YBX1: variants seen among roughly 807,000 people sequenced by gnomAD.
The protein encoded by YBX1 is Y-box binding protein 1, also known as Y-box-binding protein 1.
YBX1 carries 3 observed loss-of-function variants against 41.4 expected under a neutral mutation model. The ratio of observed to expected loss-of-function variants is 0.07; its 90% confidence interval spans 0.03 to 0.19. The LOEUF (loss-of-function observed/expected upper bound fraction) is 0.19, where lower values mean the gene tolerates loss of function less well. YBX1 is among the 10% of genes least tolerant of loss of function. The pLI is 1.00. For missense variants in YBX1, 274 were observed against 462.8 expected (o/e 0.59, Z 3.74); for synonymous variants, 133 against 165.8 (o/e 0.80, Z 1.52).
rs907667484 is a variant in YBX1, at chr1:42,685,269, CTA to C, written c.230+1805_230+1806del. ...ATGAGATACTGTTCATTGAATATCT[CTA>C]TTCTGAATTGGAATCAACTCAATTG... On this transcript the variant is annotated intron_variant, in intron 2 of 7. Transcript: ENST00000321358. Among the ~76,000 whole-genome samples, 19 of 152,268 alleles carry C rather than the reference CTA, an allele frequency of 1.2e-4. No homozygotes were observed. The East Asian group carries it at 3.3e-3, about 26-fold the overall frequency.
intron 1 of YBX1, chr1:42,683,115 A>T: frequency 3.4e-6 from 2 of 584,682 alleles, no homozygotes; most frequent in Non-Finnish European, 6.3e-6. Context: ...CCGCCTACGC[A>T]GGCCGGAGCG....
At position 42,702,759 on chromosome 1, in the gene YBX1, C is replaced by T. The variant is rs141571265; in HGVS notation, c.*810C>T. On this transcript the variant is annotated 3_prime_UTR_variant, in exon 8 of 8. Transcript: ENST00000321358. ...GAAGATGCCAATTGAAGTGTTAGGA[C>T]AACCTGTCACACTGCCTGGTGTGGT... Among the ~76,000 whole-genome samples, 40 of 152,344 alleles carry T rather than the reference C, an allele frequency of 2.6e-4. No homozygotes were observed. The highest frequency in any genetic ancestry group is 8.9e-4 in the African/African-American group (37 of 41,576).
rs1557526301 is a variant in YBX1, at chr1:42,682,482, A to C, written c.-84A>C. The C allele has an allele frequency of 7.5e-7, 1 of 1,339,996 alleles. No individual in the cohort carries two copies. The highest frequency in any genetic ancestry group is 9.5e-7 in the Non-Finnish European group (1 of 1,047,174). 83.0% of individuals were successfully genotyped at this position (1,339,996 alleles called of 1,614,324 possible). ...ACCCCAGAGAGCCCTGAGCAGCCCC[A>C]CCGCCGCCGCCGGCCTAGTTACCAT... is the stretch of plus-strand genomic sequence containing the variant. On this transcript the variant is annotated 5_prime_UTR_variant, in exon 1 of 8. Transcript: ENST00000321358.
At chr1:42,683,322 G>A (rs1164795117) in intron 1 of YBX1, 81 bp from the exon 2 acceptor site, 1 of 1,561,276 alleles carries the variant, frequency 6.4e-7, no homozygotes, top group Admixed American at 1.7e-5. Context: ...CGGCGTGCGA[G>A]GGACCGGATG....
At chr1:42,685,086 C>T (rs1298600778) in intron 2 of YBX1, among the ~76,000 whole-genome samples, 10 of 152,144 alleles carry the variant, frequency 6.6e-5, no homozygotes, top group Admixed American at 5.9e-4. Flanking sequence ...GCCTTTTCAG[C>T]GGATAGATTG....
chr1:42,692,839 C>T (rs10493113), intron 2 of YBX1, among the ~76,000 whole-genome samples: 16,824 of 152,274 alleles, frequency 0.11, 985 homozygotes, highest in East Asian at 0.19. Context: ...TCCAGTCATC[C>T]ACAAAGTTTC....
At chr1:42,699,691 C>T (rs371868201) in intron 6 of YBX1, among the ~76,000 whole-genome samples, 1 of 151,882 alleles carries the variant, frequency 6.6e-6, no homozygotes, top group African/African-American at 2.4e-5. Flanking sequence ...AACTCCTGCC[C>T]TCAAGTGATC....
At position 42,703,460 on chromosome 1, in the gene YBX1, A is replaced by G. The variant is rs1472920074; in HGVS notation, c.*1511A>G. ...GGACTAACTCTTTGCAGAGGACTTG[A>G]TAAGAGACTACTCAAAAAAAATTTT... On this transcript the variant is annotated 3_prime_UTR_variant, in exon 8 of 8. Transcript: ENST00000321358. 6.6e-6 allele frequency among the ~76,000 whole-genome samples: 1 copy of G among 152,022 alleles called. No individual in the cohort carries two copies. The highest frequency in any genetic ancestry group is 2.4e-5 in the African/African-American group (1 of 41,368).
Position 42,682,511 on chromosome 1 carries a change from A to G in YBX1, c.-55A>G. The G allele has an allele frequency of 1.4e-6, 2 of 1,388,690 alleles. No homozygotes were observed. The highest frequency in any genetic ancestry group is 1.9e-6 in the Non-Finnish European group (2 of 1,074,022). The allele number at this position is 1,388,690 out of a possible 1,614,324, so 86.0% of individuals were successfully genotyped here. A position where few individuals can be genotyped will look rare whatever the true frequency, so the allele number is the denominator to read the frequency against. On this transcript the variant is annotated 5_prime_UTR_variant, in exon 1 of 8. Transcript: ENST00000321358. ...CCGCCGCCGGCCTAGTTACCATCAC[A>G]CCCCGGGAGGAGCCGCAGCTGCCGC...
chr1:42,699,594 G>A (rs1361385944), intron 6 of YBX1, among the ~76,000 whole-genome samples: 2 of 150,494 alleles, frequency 1.3e-5, no homozygotes, highest in Admixed American at 6.6e-5. Flanking sequence ...GATAAAGAGG[G>A]GAGAAAAGGG....
At position 42,696,516 on chromosome 1, in the gene YBX1, C is replaced by A. The variant is rs980463610; in HGVS notation, c.355-126C>A. ...ACCCCTGGTCACGCAGTTGCGCCCC[C>A]CCCCCCTTTTTTTTCCTTAACTTTG... On this transcript the variant is annotated intron_variant, in intron 4 of 7. Coordinates refer to ENST00000321358, the MANE Select transcript of YBX1 (RefSeq NM_004559.5). This position sits in a 1 kb window ranked among gnomAD's most constrained non-coding sequence, Gnocchi z 5.7. 4 of 693,914 alleles carry A rather than the reference C, an allele frequency of 5.8e-6. No homozygotes were observed. Among genetic ancestry groups the A allele is most frequent in the African/African-American group, 1.8e-5 (1 of 55,292 alleles). The allele number at this position is 693,914 out of a possible 1,614,324, so 43.0% of individuals were successfully genotyped here. A position where few individuals can be genotyped will look rare whatever the true frequency, so the allele number is the denominator to read the frequency against.
intron 3 of YBX1, among the ~76,000 whole-genome samples, chr1:42,694,579 C>T (rs1008777395): frequency 2.6e-5 from 4 of 152,136 alleles, no homozygotes; most frequent in Non-Finnish European, 5.9e-5. Context: ...GAAGGGCTGT[C>T]ATAGGTTGGT....
rs1413390000 is a variant in YBX1, at chr1:42,696,468, C to T, written c.355-174C>T. Among the ~76,000 whole-genome samples the T allele has an allele frequency of 6.7e-6, 1 of 150,372 alleles. No homozygotes were observed. Among genetic ancestry groups the T allele is most frequent in the Admixed American group, 6.6e-5 (1 of 15,060 alleles). ...GCAATCTCTTCAGAACAGTGAGGAA[C>T]TGATATTTAGTCATTTCTGTGCACC... is the stretch of plus-strand genomic sequence containing the variant. On this transcript the variant is annotated intron_variant, in intron 4 of 7. Transcript: ENST00000321358. This position sits in a 1 kb window ranked among gnomAD's most constrained non-coding sequence, Gnocchi z 5.7.
At chr1:42,700,621 CA>C (rs1314082986) in intron 6 of YBX1, among the ~76,000 whole-genome samples, 159 bp from the exon 7 acceptor site, 54 of 103,026 alleles carry the variant, frequency 5.2e-4, no homozygotes, top group East Asian at 1.9e-3. Flanking sequence ...CCCCCCCCCC[CA>C]AAAAAAAAAA....
chr1:42,696,511 G>GA lies in YBX1; in HGVS notation c.355-131_355-130insA, dbSNP rs749693568. On this transcript the variant is annotated intron_variant, in intron 4 of 7. Coordinates refer to ENST00000321358, the MANE Select transcript of YBX1 (RefSeq NM_004559.5). The surrounding 1 kb of genome is among the most constrained non-coding windows in gnomAD (Gnocchi z 5.7). ...TGTGCACCCCTGGTCACGCAGTTGC[G>GA]CCCCCCCCCCCTTTTTTTTCCTTAA... 1 of 468,068 alleles carries GA rather than the reference G, an allele frequency of 2.1e-6. No homozygotes were observed. The highest frequency in any genetic ancestry group is 3.4e-6 in the Non-Finnish European group (1 of 295,630). 29.0% of individuals were successfully genotyped at this position (468,068 alleles called of 1,614,324 possible). A position where few individuals can be genotyped will look rare whatever the true frequency, so the allele number is the denominator to read the frequency against.
intron 2 of YBX1, among the ~76,000 whole-genome samples, chr1:42,685,435 T>G (rs1052259891): frequency 4.6e-5 from 7 of 152,240 alleles, no homozygotes; most frequent in East Asian, 1.9e-4. Flanking sequence ...CTGGGACTTT[T>G]TTAATAAGAT....
intron 1 of YBX1, chr1:42,683,074 C>A: frequency 2.0e-6 from 1 of 500,950 alleles, no homozygotes; most frequent in South Asian, 1.6e-5. Flanking sequence ...CACCCAGCTC[C>A]CTTCCGCGTG....
At chr1:42,699,808 A>G (rs1398985195) in intron 6 of YBX1, among the ~76,000 whole-genome samples, 4 of 152,110 alleles carry the variant, frequency 2.6e-5, no homozygotes, top group African/African-American at 7.2e-5. Context: ...AAGAATGAGA[A>G]AACAATAAGG....
chr1:42,700,769 C>T lies in YBX1; in HGVS notation c.741-12C>T, dbSNP rs377670445. Reference sequence around the variant, plus strand: ...GTTTTATCATTCTTAAGTTTGACACCGTTCATTGCAGGGGCCCTCCTCGCC... The same window carrying T: ...GTTTTATCATTCTTAAGTTTGACACTGTTCATTGCAGGGGCCCTCCTCGCC... On this transcript the variant is annotated splice_polypyrimidine_tract_variant and intron_variant, in intron 6 of 7. Transcript: ENST00000321358. 1.3e-4 allele frequency: 205 copies of T among 1,603,098 alleles called. 1 individual carries two copies. The African/African-American group carries it at 2.1e-3, about 17-fold the overall frequency.
Sources: allele counts gnomAD v4.1 joint callset (sites outside exome capture counted in the v4.1 genomes callset), GRCh38; gene constraint gnomAD v4.1.1; non-coding constraint Gnocchi (gnomAD v3.1); transcripts MANE v1.5; gene names NCBI Gene and HGNC (gene_info 2026-07-23, HGNC 2026-07-21).